NPAS3: variants seen among roughly 807,000 people sequenced by gnomAD.
The protein encoded by NPAS3 is neuronal PAS domain-containing protein 3.
In NPAS3, 14 loss-of-function variants were observed where a neutral mutation model predicts 73.1. That is an observed-to-expected ratio of 0.19 (90% CI 0.13 to 0.30). NPAS3 has a LOEUF of 0.30. NPAS3 is among the 10% of genes least tolerant of loss of function. The probability of loss-of-function intolerance (pLI) is 1.00; values close to 1 mark genes in which losing one functional copy is unlikely to be tolerated. For synonymous variants in NPAS3, 620 were observed against 541.5 expected (o/e 1.14, Z -2.01); for missense variants, 1,096 against 1,250.0 (o/e 0.88, Z 1.86).
At chr14:33,219,291 A>G (rs2047337024) in intron 3 of NPAS3, among the ~76,000 whole-genome samples, 1 of 152,152 alleles carries the variant, frequency 6.6e-6, no homozygotes, top group Non-Finnish European at 1.5e-5. Flanking sequence ...AAACTAGATA[A>G]ATTTTCTGTC....
intron 5 of NPAS3, among the ~76,000 whole-genome samples, chr14:33,564,962 C>A (rs1279525977): frequency 6.6e-6 from 1 of 152,186 alleles, no homozygotes; most frequent in Non-Finnish European, 1.5e-5. Context: ...CAGTCCCCTC[C>A]TGCACATAAT....
At chr14:33,667,718 A>C (rs1167102247) in intron 5 of NPAS3, among the ~76,000 whole-genome samples, 13 of 152,186 alleles carry the variant, frequency 8.5e-5, no homozygotes, top group Non-Finnish European at 8.8e-5. Flanking sequence ...TTCACAAGAA[A>C]TAAATTATAC....
chr14:32,962,419 T>G lies in NPAS3; in HGVS notation c.50+23053T>G, dbSNP rs181536351. On this transcript the variant is annotated intron_variant, in intron 1 of 11. Transcript: ENST00000356141. ...TGATTAAAATGTCTTAATAAGAAGA[T>G]ACTGTGTTTATAAATGGTAGCGTAT... Among the ~76,000 whole-genome samples, 125 of 152,304 alleles carry G rather than the reference T, an allele frequency of 8.2e-4. 1 individual carries two copies. The highest frequency in any genetic ancestry group is 9.1e-4 in the Non-Finnish European group (62 of 68,030).
intron 2 of NPAS3, among the ~76,000 whole-genome samples, chr14:33,143,432 G>T (rs1251720190): frequency 6.6e-6 from 1 of 151,008 alleles, no homozygotes; most frequent in Non-Finnish European, 1.5e-5. Context: ...CAGAGGTTGA[G>T]GTGAGCCGAG....
intron 4 of NPAS3, among the ~76,000 whole-genome samples, chr14:33,439,396 C>T (rs917633305): frequency 2.6e-5 from 4 of 152,096 alleles, no homozygotes; most frequent in African/African-American, 7.2e-5. Flanking sequence ...AGTAAACACA[C>T]AAGAAAAAGG....
intron 7 of NPAS3, among the ~76,000 whole-genome samples, chr14:33,763,468 GT>G (rs574109128): frequency 1.3e-5 from 2 of 152,280 alleles, no homozygotes; most frequent in East Asian, 3.9e-4. Context: ...GAGGCTTAGG[GT>G]TTTGGTGATG....
intron 5 of NPAS3, chr14:33,608,508 C>T (rs1489073051): frequency 6.6e-6 from 1 of 152,152 alleles, no homozygotes; most frequent in Non-Finnish European, 1.5e-5. Context: ...AGATGGATAG[C>T]TTCTAACTCT....
At chr14:33,337,209 C>T (rs2044268086) in intron 3 of NPAS3, among the ~76,000 whole-genome samples, 1 of 152,020 alleles carries the variant, frequency 6.6e-6, no homozygotes, top group African/African-American at 2.4e-5. Flanking sequence ...AGTTTTAGCT[C>T]TTCAGTTTAG....
chr14:33,481,814 G>T (rs2051338803), intron 4 of NPAS3, among the ~76,000 whole-genome samples: 1 of 152,080 alleles, frequency 6.6e-6, no homozygotes, highest in African/African-American at 2.4e-5. Context: ...GAGGTGGTTT[G>T]GGTTGGGAAG....
intron 5 of NPAS3, among the ~76,000 whole-genome samples, chr14:33,643,242 T>C (rs996278617): frequency 3.3e-5 from 5 of 152,064 alleles, no homozygotes; most frequent in African/African-American, 1.2e-4. Flanking sequence ...AAAGTTGCAC[T>C]GTAAATCAGG....
intron 2 of NPAS3, among the ~76,000 whole-genome samples, chr14:33,124,625 T>C (rs994323491): frequency 6.6e-6 from 1 of 152,132 alleles, no homozygotes; most frequent in East Asian, 1.9e-4. Flanking sequence ...AAACATGAGA[T>C]TGATACATGT....
chr14:33,342,108 A>G (rs2044514111), intron 3 of NPAS3, among the ~76,000 whole-genome samples: 1 of 152,130 alleles, frequency 6.6e-6, no homozygotes, highest in Non-Finnish European at 1.5e-5. Context: ...TGGGTCTAAC[A>G]TATCGCAAAT....
At chr14:33,227,525 G>A (rs2047679964) in intron 3 of NPAS3, among the ~76,000 whole-genome samples, 1 of 152,172 alleles carries the variant, frequency 6.6e-6, no homozygotes, top group African/African-American at 2.4e-5. Flanking sequence ...CAAGGTACCA[G>A]CATGGTGAGG....
intron 4 of NPAS3, among the ~76,000 whole-genome samples, chr14:33,439,725 T>C (rs2049152186): frequency 6.6e-6 from 1 of 152,234 alleles, no homozygotes. Flanking sequence ...TCAGTGCTAA[T>C]GGACGGTTAA....
rs180813565 is a variant in NPAS3 at position 33,160,816 on chromosome 14, C to T, written c.141-54366C>T. The stretch of plus-strand genomic sequence containing the variant: ...AGTTTTGATTTTATCTTTGAAGTTC[C>T]GCCATGTGGCCAGTGGCTAGCAAGC... On this transcript the variant is annotated intron_variant, in intron 2 of 11. Transcript: ENST00000356141. Among the ~76,000 whole-genome samples the T allele has an allele frequency of 1.6e-4, 24 of 151,858 alleles. No homozygotes were observed. In the East Asian group the frequency reaches 2.1e-3, roughly 13 times the overall value.
chr14:33,503,780 C>G (rs1022237642), intron 4 of NPAS3, among the ~76,000 whole-genome samples: 1 of 152,048 alleles, frequency 6.6e-6, no homozygotes, highest in African/African-American at 2.4e-5. Flanking sequence ...TACTCCCAAC[C>G]GAATCTTTTT....
chr14:33,472,382 G>T (rs1324237206), intron 4 of NPAS3, among the ~76,000 whole-genome samples: 1 of 152,046 alleles, frequency 6.6e-6, no homozygotes, highest in Non-Finnish European at 1.5e-5. Flanking sequence ...AGTAATTTGG[G>T]GAAACCATGT....
intron 4 of NPAS3, among the ~76,000 whole-genome samples, chr14:33,486,301 C>G (rs1043139216): frequency 1.3e-5 from 2 of 152,104 alleles, no homozygotes; most frequent in Non-Finnish European, 2.9e-5. Context: ...TTGTTTCTTT[C>G]TCCCGGCGTC....
intron 7 of NPAS3, among the ~76,000 whole-genome samples, chr14:33,750,177 T>C (rs1052143617): frequency 3.3e-5 from 5 of 152,022 alleles, no homozygotes; most frequent in Non-Finnish European, 7.4e-5. Context: ...CAAGAAGGGA[T>C]ATGTTGGATG....
Sources: gnomAD v4.1 joint callset for allele counts (sites outside exome capture counted in the v4.1 genomes callset) on GRCh38, gnomAD v4.1.1 for gene constraint, MANE v1.5 for transcripts, NCBI Gene and HGNC (gene_info 2026-07-23, HGNC 2026-07-21) for gene names.